CGAS: variants seen among roughly 807,000 people sequenced by gnomAD.
CGAS encodes the protein cyclic GMP-AMP synthase.
Under a neutral mutation model 34.0 loss-of-function variants are expected in CGAS, and 31 were observed. That is an observed-to-expected ratio of 0.91 (90% CI 0.69 to 1.23). The LOEUF is 1.23. Among genes scored for constraint, CGAS ranks in the 50% most tolerant of loss-of-function variants. The pLI, the probability that CGAS is intolerant of heterozygous loss-of-function variation, is 0.00. For missense variants in CGAS, 597 were observed against 657.6 expected, an observed-to-expected ratio of 0.91 and a Z score of 1.01; for synonymous variants, 266 against 260.0, an observed-to-expected ratio of 1.02 and a Z score of -0.22.
rs1770059237 is a variant in CGAS at position 73,424,936 on chromosome 6, C to T, written c.*291G>A. ...TGGTGCCATCTTGACTCACTGCAAC[C>T]TCCACCTCCTGGGTTCAAGTGATTC... On this transcript the variant is annotated 3_prime_UTR_variant, in exon 5 of 5. Transcript: ENST00000370315. The T allele has an allele frequency of 5.2e-6, 1 of 191,522 alleles. No homozygotes were observed. Among genetic ancestry groups the T allele is most frequent in the Non-Finnish European group, 1.1e-5 (1 of 94,470 alleles). 11.9% of individuals were successfully genotyped at this position (191,522 alleles called of 1,614,324 possible).
At chr6:73,448,816 G>T (rs1200541923) in intron 1 of CGAS, among the ~76,000 whole-genome samples, 1 of 152,092 alleles carries the variant, frequency 6.6e-6, no homozygotes, top group Non-Finnish European at 1.5e-5. Context: ...TAGGCTGGGT[G>T]TAGTGGCTCA....
chr6:73,449,429 C>T (rs574573452), intron 1 of CGAS, among the ~76,000 whole-genome samples: 98 of 151,420 alleles, frequency 6.5e-4, no homozygotes, highest in Non-Finnish European at 1.2e-3. Flanking sequence ...GAGCCGAGAT[C>T]GCGCCACTGC....
intron 3 of CGAS, among the ~76,000 whole-genome samples, chr6:73,439,487 AAAAAAAAAAAGAAAGAAAG>A (rs951541127): frequency 6.6e-6 from 1 of 151,312 alleles, no homozygotes; most frequent in African/African-American, 2.4e-5. Context: ...GTCTCAGGAA[AAAAAAAAAAAGAAAGAAAG>A]AAAAAAAAAA....
chr6:73,431,387 C>T (rs1770194055), intron 3 of CGAS, among the ~76,000 whole-genome samples: 1 of 152,118 alleles, frequency 6.6e-6, no homozygotes, highest in Non-Finnish European at 1.5e-5. Context: ...AGGAGAATCA[C>T]TTAAACCTGG....
intron 3 of CGAS, among the ~76,000 whole-genome samples, chr6:73,430,045 A>C (rs1770168191): frequency 6.6e-6 from 1 of 152,150 alleles, no homozygotes; most frequent in African/African-American, 2.4e-5. Context: ...AAAATCCTAT[A>C]GTCGTTCATC....
Position 73,451,938 on chromosome 6 carries a change from TG to T in CGAS, c.243del (p.Lys83ArgfsTer90). Reference sequence around the variant, plus strand: ...TCCTGGGCGCGCTGAGGGGCCTTTTTGGCGCGGGCCCCAGTTGCGCGGACGG... The same window carrying T: ...TCCTGGGCGCGCTGAGGGGCCTTTTTGCGCGGGCCCCAGTTGCGCGGACGG... ...RPPVRATGAR[A>X]KKAPQRAQDT... On this transcript the variant is annotated frameshift_variant, in exon 1 of 5. Coordinates refer to ENST00000370315, the MANE Select transcript of CGAS (RefSeq NM_138441.3). LOFTEE classifies it high-confidence loss of function. 1 of 1,499,540 alleles carries T rather than the reference TG, an allele frequency of 6.7e-7. No individual in the cohort carries two copies. 92.9% of individuals were successfully genotyped at this position (1,499,540 alleles called of 1,614,324 possible).
chr6:73,427,603 T>TACTGGCCAAC (rs1375983582), intron 4 of CGAS, among the ~76,000 whole-genome samples: 3 of 152,086 alleles, frequency 2.0e-5, no homozygotes, highest in Admixed American at 6.6e-5. Flanking sequence ...GCCTGGCCAA[T>TACTGGCCAAC]ACTGGCCAAC....
intron 3 of CGAS, among the ~76,000 whole-genome samples, chr6:73,437,116 C>T (rs548844603): frequency 6.6e-5 from 10 of 152,108 alleles, no homozygotes; most frequent in East Asian, 1.9e-4. Context: ...TGCCCCACTG[C>T]GCTCCAGCCT....
chr6:73,443,235 C>CTT (rs35135687), intron 2 of CGAS, among the ~76,000 whole-genome samples: 4,366 of 104,196 alleles, frequency 0.042, 419 homozygotes, highest in African/African-American at 0.1. Context: ...TTCCCAAACT[C>CTT]TTTTTTTTTT....
intron 3 of CGAS, among the ~76,000 whole-genome samples, chr6:73,430,632 C>A (rs1344323815): frequency 6.6e-6 from 1 of 150,938 alleles, no homozygotes; most frequent in African/African-American, 2.4e-5. Flanking sequence ...CAGAGCGAGG[C>A]TCCATCTCAA....
At chr6:73,446,329 CAA>C (rs55833644) in intron 1 of CGAS, among the ~76,000 whole-genome samples, 70,326 of 114,638 alleles carry the variant, frequency 0.61, 20,480 homozygotes, top group East Asian at 0.7. Flanking sequence ...GACTCCATCT[CAA>C]AAAAAAAAAA....
At position 73,424,869 on chromosome 6, in the gene CGAS, T is replaced by A. The variant is rs45501398; in HGVS notation, c.*358A>T. 0.13 allele frequency: 19,141 copies of A among 152,348 alleles called. 1,316 individuals are homozygous for A. The highest frequency in any genetic ancestry group is 0.15 in the Non-Finnish European group (10,495 of 68,146). 9.4% of individuals were successfully genotyped at this position (152,348 alleles called of 1,614,324 possible). ...ATTTTTCTTATTTATTTATTTATTT[T>A]TTGAGAGGAAGTCTTGCTCTGTCAC... On this transcript the variant is annotated 3_prime_UTR_variant, in exon 5 of 5. Transcript: ENST00000370315.
At chr6:73,451,447 C>A in intron 1 of CGAS, 78 bp downstream of exon 1, 1 of 1,431,984 alleles carries the variant, frequency 7.0e-7, no homozygotes, top group Non-Finnish European at 9.3e-7. Context: ...GTGAGGGGCG[C>A]GACCCGGGGA....
intron 3 of CGAS, among the ~76,000 whole-genome samples, chr6:73,438,560 G>C (rs1770314779): frequency 6.6e-6 from 1 of 152,044 alleles, no homozygotes; most frequent in South Asian, 2.1e-4. Context: ...GCCTCGCGTG[G>C]TGGCATGCGC....
chr6:73,434,787 A>G (rs1248743734), intron 3 of CGAS, among the ~76,000 whole-genome samples: 4 of 152,078 alleles, frequency 2.6e-5, no homozygotes, highest in African/African-American at 9.6e-5. Flanking sequence ...GCTGGGACTA[A>G]GTCACATGCC....
At chr6:73,449,476 A>ACACACACACACAC (rs1770525650) in intron 1 of CGAS, among the ~76,000 whole-genome samples, 1 of 142,808 alleles carries the variant, frequency 7.0e-6, no homozygotes, top group African/African-American at 2.6e-5. Context: ...CTCTGTCTCA[A>ACACACACACACAC]ACACACACAC....
intron 1 of CGAS, among the ~76,000 whole-genome samples, chr6:73,448,453 C>T (rs375450921): frequency 6.6e-6 from 1 of 152,106 alleles, no homozygotes; most frequent in East Asian, 1.9e-4. Flanking sequence ...TAATTGATTT[C>T]TATGTAACCT....
At chr6:73,445,069 C>T (rs771539501) in intron 2 of CGAS, among the ~76,000 whole-genome samples, 4 of 151,878 alleles carry the variant, frequency 2.6e-5, no homozygotes, top group Admixed American at 6.6e-5. Flanking sequence ...ATGTTAAGGA[C>T]GTAGCTGGAT....
intron 3 of CGAS, among the ~76,000 whole-genome samples, chr6:73,432,348 A>G (rs1378623509): frequency 1.3e-5 from 2 of 151,752 alleles, no homozygotes; most frequent in Admixed American, 6.6e-5. Flanking sequence ...TTTAGTAGAG[A>G]TGGGGTTTCA....
Sources: allele counts gnomAD v4.1 joint callset (sites outside exome capture counted in the v4.1 genomes callset), GRCh38; gene constraint gnomAD v4.1.1; transcripts MANE v1.5; gene names NCBI Gene and HGNC (gene_info 2026-07-23, HGNC 2026-07-21).